MAF: variants seen among roughly 807,000 people sequenced by gnomAD.
The protein encoded by MAF is transcription factor Maf.
MAF carries 10 observed loss-of-function variants against 22.0 expected under a neutral mutation model. That is an observed-to-expected ratio of 0.45 (90% confidence interval 0.28 to 0.77). The LOEUF is 0.77. MAF is among the 30% of genes least tolerant of loss of function. MAF has a pLI of 0.12. For missense variants in MAF, 544 were observed against 548.4 expected (o/e 0.99, Z 0.08); for synonymous variants, 337 against 255.8 (o/e 1.32, Z -3.03).
the MAF span, among the ~76,000 whole-genome samples, chr16:79,355,196 T>C: frequency 2.0e-5 from 3 of 152,330 alleles, no homozygotes; most frequent in East Asian, 1.9e-4. Flanking sequence ...CTTGCACCTA[T>C]CTCCCCAGTG....
chr16:79,506,127 A>T, the MAF span, among the ~76,000 whole-genome samples: 2 of 152,190 alleles, frequency 1.3e-5, no homozygotes, highest in African/African-American at 4.8e-5. Flanking sequence ...AATATGCAAT[A>T]AGAAAGAGAT....
the MAF span, among the ~76,000 whole-genome samples, chr16:79,444,371 A>T: frequency 1.8e-3 from 274 of 152,348 alleles, 1 homozygote; most frequent in African/African-American, 6.2e-3. Context: ...TGAAAATTAA[A>T]ATATTAAGAA....
At chr16:79,535,190 C>CTGAATTTCTATT in the MAF span, among the ~76,000 whole-genome samples, 6 of 152,080 alleles carry the variant, frequency 3.9e-5, no homozygotes, top group Admixed American at 2.6e-4. Context: ...TTCTTATTCA[C>CTGAATTTCTATT]GCTGAATTTC....
the MAF span, among the ~76,000 whole-genome samples, chr16:79,490,777 G>A: frequency 1.6e-4 from 24 of 152,154 alleles, no homozygotes; most frequent in Non-Finnish European, 3.2e-4. Context: ...ACAAAACAGT[G>A]ACCATAATGC....
At chr16:79,207,652 G>C in the MAF span, among the ~76,000 whole-genome samples, 1 of 152,154 alleles carries the variant, frequency 6.6e-6, no homozygotes, top group African/African-American at 2.4e-5. Flanking sequence ...TTTAAGACAG[G>C]AATCTCCTCT....
chr16:79,364,490 G>A, the MAF span, among the ~76,000 whole-genome samples: 6 of 152,284 alleles, frequency 3.9e-5, no homozygotes, highest in South Asian at 2.1e-4. Context: ...GAAGAGGAAC[G>A]GTCCCAGAAC....
chr16:79,501,406 T>C, the MAF span, among the ~76,000 whole-genome samples: 2 of 152,052 alleles, frequency 1.3e-5, no homozygotes, highest in Non-Finnish European at 2.9e-5. Flanking sequence ...CATTCTGGGG[T>C]TCTGGGTGGA....
chr16:79,261,400 G>T, the MAF span, among the ~76,000 whole-genome samples: 1 of 152,116 alleles, frequency 6.6e-6, no homozygotes, highest in South Asian at 2.1e-4. Flanking sequence ...TGATCCACCC[G>T]CCTCGGCCTC....
the MAF span, among the ~76,000 whole-genome samples, chr16:79,416,684 G>C: frequency 6.6e-6 from 1 of 152,174 alleles, no homozygotes. Flanking sequence ...CGAATGGTCA[G>C]TTAGCATCAG....
the MAF span, among the ~76,000 whole-genome samples, chr16:79,469,502 AGT>A: frequency 6.6e-6 from 1 of 152,206 alleles, no homozygotes; most frequent in African/African-American, 2.4e-5. Context: ...TTCATTGAAC[AGT>A]ATGAAGATGA....
At chr16:79,598,093 C>T (rs1323716184) in intron 1 of MAF, 3 of 1,040,912 alleles carry the variant, frequency 2.9e-6, no homozygotes, top group South Asian at 4.6e-5. Context: ...AAGTCTATAA[C>T]ATTTCACATT....
the MAF span, among the ~76,000 whole-genome samples, chr16:79,401,627 G>A: frequency 6.6e-6 from 1 of 151,952 alleles, no homozygotes; most frequent in Non-Finnish European, 1.5e-5. Context: ...TGATGCCAGG[G>A]TACCACTCTC....
the MAF span, among the ~76,000 whole-genome samples, chr16:79,395,939 G>A: frequency 6.6e-6 from 1 of 152,136 alleles, no homozygotes; most frequent in Non-Finnish European, 1.5e-5. Context: ...CAGACCTGGT[G>A]GCAAATGGCC....
At chr16:79,321,685 C>T in the MAF span, among the ~76,000 whole-genome samples, 14 of 121,618 alleles carry the variant, frequency 1.2e-4, no homozygotes, top group Non-Finnish European at 1.1e-4. Flanking sequence ...GAGTCTCGCT[C>T]TGTCACCCAG....
the MAF span, among the ~76,000 whole-genome samples, chr16:79,432,639 G>C: frequency 1.3e-5 from 2 of 152,138 alleles, no homozygotes; most frequent in Non-Finnish European, 2.9e-5. Context: ...TTTGGAAATA[G>C]GACCTAGGAT....
chr16:79,511,114 G>A, the MAF span, among the ~76,000 whole-genome samples: 1 of 152,042 alleles, frequency 6.6e-6, no homozygotes, highest in African/African-American at 2.4e-5. Context: ...GCGGGGTGGT[G>A]ATTTTTCTCT....
At chr16:79,349,896 T>C in the MAF span, among the ~76,000 whole-genome samples, 2 of 152,214 alleles carry the variant, frequency 1.3e-5, no homozygotes, top group East Asian at 3.9e-4. Context: ...ACACACGCTC[T>C]ATGCTCCACT....
chr16:79,275,522 T>G, the MAF span, among the ~76,000 whole-genome samples: 1 of 152,182 alleles, frequency 6.6e-6, no homozygotes, highest in African/African-American at 2.4e-5. Flanking sequence ...AGTCACTTGC[T>G]CAGACTCAAA....
At chr16:79,357,746 G>T in the MAF span, among the ~76,000 whole-genome samples, 2 of 151,736 alleles carry the variant, frequency 1.3e-5, no homozygotes, top group African/African-American at 4.8e-5. Context: ...ATAGCATTTG[G>T]ATGAGGGAAT....
Sources: gnomAD v4.1 joint callset for allele counts (sites outside exome capture counted in the v4.1 genomes callset) on GRCh38, gnomAD v4.1.1 for gene constraint, MANE v1.5 for transcripts, NCBI Gene and HGNC (gene_info 2026-07-23, HGNC 2026-07-21) for gene names.